The following SUMF1 variants were observed in gnomAD, a reference collection of about 807,000 sequenced individuals.
SUMF1 encodes the protein formylglycine-generating enzyme.
In SUMF1, 48 loss-of-function variants were observed where a neutral mutation model predicts 47.6. The ratio of observed to expected loss-of-function variants is 1.01; its 90% confidence interval spans 0.80 to 1.28. The LOEUF is 1.28. Ranked by LOEUF, SUMF1 falls within the 50% of genes most tolerant of loss-of-function variation. The pLI, the probability that SUMF1 is intolerant of heterozygous loss-of-function variation, is 0.00. For missense variants in SUMF1, 571 were observed against 485.4 expected, an observed-to-expected ratio of 1.18 and a Z score of -1.66; for synonymous variants, 230 against 192.1, an observed-to-expected ratio of 1.20 and a Z score of -1.63.
chr3:4,334,319 G>A (rs1293867822), intron 8 of SUMF1, among the ~76,000 whole-genome samples: 2 of 151,972 alleles, frequency 1.3e-5, no homozygotes, highest in Non-Finnish European at 2.9e-5. Flanking sequence ...TTTTGCTTTT[G>A]AACTTCTTTT....
chr3:4,113,710 A>C (rs1693361910), intron 8 of SUMF1, among the ~76,000 whole-genome samples: 1 of 152,072 alleles, frequency 6.6e-6, no homozygotes, highest in Non-Finnish European at 1.5e-5. Context: ...TCTTAACAAC[A>C]GGAAAAAACT....
At chr3:4,446,173 T>C (rs1053524836) in intron 3 of SUMF1, among the ~76,000 whole-genome samples, 2 of 152,192 alleles carry the variant, frequency 1.3e-5, no homozygotes, top group Admixed American at 1.3e-4. Flanking sequence ...TTTGGCTGAG[T>C]CCCCATCCAA....
chr3:4,362,346 G>T, intron 8 of SUMF1, 92 bp from the exon 9 acceptor site: 2 of 1,052,742 alleles, frequency 1.9e-6, no homozygotes, highest in East Asian at 4.9e-5. Context: ...GCTGTAGACA[G>T]TGCTTCCCCA....
chr3:4,246,136 A>G (rs546181022), intron 8 of SUMF1, among the ~76,000 whole-genome samples: 1 of 152,246 alleles, frequency 6.6e-6, no homozygotes, highest in African/African-American at 2.4e-5. Flanking sequence ...TTTGGGCAGA[A>G]GTGCACCGTT....
intron 8 of SUMF1, among the ~76,000 whole-genome samples, chr3:4,369,361 C>G (rs916293837): frequency 1.3e-5 from 2 of 152,158 alleles, no homozygotes; most frequent in African/African-American, 4.8e-5. Context: ...TGGAAGCTCT[C>G]AAATGACTAG....
intron 7 of SUMF1, among the ~76,000 whole-genome samples, chr3:4,389,295 C>A (rs1479725326): frequency 6.6e-6 from 1 of 151,224 alleles, no homozygotes; most frequent in Non-Finnish European, 1.5e-5. Flanking sequence ...CTCTGGCCTT[C>A]ATGGTCACCA....
chr3:4,268,354 A>C (rs1044717971), intron 8 of SUMF1, among the ~76,000 whole-genome samples: 1 of 152,180 alleles, frequency 6.6e-6, no homozygotes, highest in Non-Finnish European at 1.5e-5. Flanking sequence ...TAGTGGGTGC[A>C]GCGCACCAGC....
chr3:4,086,651 A>C (rs1294350958), intron 8 of SUMF1, among the ~76,000 whole-genome samples: 2 of 152,080 alleles, frequency 1.3e-5, no homozygotes, highest in African/African-American at 2.4e-5. Context: ...ATGAACTAGA[A>C]GTATGGTATG....
chr3:4,151,511 G>GTATATATGTATATATA, intron 8 of SUMF1, among the ~76,000 whole-genome samples: 1 of 142,894 alleles, frequency 7.0e-6, no homozygotes. Context: ...ATGTGTATAT[G>GTATATATGTATATATA]TATACGTATA....
chr3:4,056,904 G>T (rs1471456722), intron 9 of SUMF1, among the ~76,000 whole-genome samples: 1 of 151,814 alleles, frequency 6.6e-6, no homozygotes, highest in African/African-American at 2.4e-5. Context: ...ACCACGCCCG[G>T]CTAATTTTTT....
intron 8 of SUMF1, among the ~76,000 whole-genome samples, chr3:4,329,254 G>A (rs1179740346): frequency 2.6e-5 from 4 of 152,328 alleles, no homozygotes; most frequent in East Asian, 1.9e-4. Context: ...GTGCCCCAGT[G>A]GGGACTCTGT....
chr3:4,063,587 C>T (rs181902011), intron 9 of SUMF1, among the ~76,000 whole-genome samples: 1 of 151,674 alleles, frequency 6.6e-6, no homozygotes, highest in African/African-American at 2.4e-5. Context: ...TAAAACCCAA[C>T]CTGTCCTTTC....
At chr3:4,097,205 G>A (rs1397374820) in intron 8 of SUMF1, among the ~76,000 whole-genome samples, 5 of 152,082 alleles carry the variant, frequency 3.3e-5, no homozygotes, top group Non-Finnish European at 7.4e-5. Context: ...CACTCAATAA[G>A]GGTTGGGGAG....
chr3:4,430,317 G>A (rs1702194100), intron 3 of SUMF1, among the ~76,000 whole-genome samples: 1 of 152,140 alleles, frequency 6.6e-6, no homozygotes, highest in Non-Finnish European at 1.5e-5. Flanking sequence ...GGTAAGTCTT[G>A]AGTAACGGGA....
intron 8 of SUMF1, among the ~76,000 whole-genome samples, chr3:4,143,372 G>A (rs1694117703): frequency 1.3e-5 from 2 of 152,058 alleles, no homozygotes; most frequent in Admixed American, 1.3e-4. Flanking sequence ...CTCACTACAA[G>A]ACTGTCAAGT....
intron 8 of SUMF1, among the ~76,000 whole-genome samples, chr3:4,335,880 A>C (rs1390144289): frequency 1.4e-5 from 2 of 147,812 alleles, no homozygotes; most frequent in Non-Finnish European, 3.0e-5. Flanking sequence ...GAATTGCTTG[A>C]ATCCAGGAGG....
chr3:4,086,287 T>C (rs1222190733), intron 8 of SUMF1, among the ~76,000 whole-genome samples: 1 of 151,980 alleles, frequency 6.6e-6, no homozygotes, highest in African/African-American at 2.4e-5. Flanking sequence ...AATAAAAGAA[T>C]CCCCATCCCA....
At chr3:4,060,711 G>C (rs186086259) in intron 9 of SUMF1, among the ~76,000 whole-genome samples, 1 of 152,232 alleles carries the variant, frequency 6.6e-6, no homozygotes, top group Non-Finnish European at 1.5e-5. Context: ...AGAAAATTCT[G>C]TTTTTTCAGA....
At chr3:4,113,184 C>A (rs1233007126) in intron 8 of SUMF1, among the ~76,000 whole-genome samples, 1 of 152,038 alleles carries the variant, frequency 6.6e-6, no homozygotes. Context: ...GAATATTTAT[C>A]ATTTCTATGT....
Sources: gnomAD v4.1 joint callset for allele counts (sites outside exome capture counted in the v4.1 genomes callset) on GRCh38, gnomAD v4.1.1 for gene constraint, MANE v1.5 for transcripts, NCBI Gene and HGNC (gene_info 2026-07-23, HGNC 2026-07-21) for gene names.